MED16: variants seen among roughly 807,000 people sequenced by gnomAD.
The protein encoded by MED16 is mediator of RNA polymerase II transcription subunit 16.
In MED16, 81 loss-of-function variants were observed where a neutral mutation model predicts 84.4. That is an observed-to-expected ratio of 0.96 (90% CI 0.80 to 1.15). MED16 has a LOEUF of 1.15. Ranked by LOEUF, MED16 falls within the 50% of genes most tolerant of loss-of-function variation. The probability of loss-of-function intolerance (pLI) is 0.00; values close to 1 mark genes in which losing one functional copy is unlikely to be tolerated. For missense variants in MED16, 1,585 were observed against 1,245.9 expected, an observed-to-expected ratio of 1.27 and a Z score of -4.10; for synonymous variants, 897 against 552.2, an observed-to-expected ratio of 1.62 and a Z score of -8.76.
chr19:884,001 C>A (rs2036474561), intron 6 of MED16, among the ~76,000 whole-genome samples: 1 of 152,128 alleles, frequency 6.6e-6, no homozygotes, highest in African/African-American at 2.4e-5. Flanking sequence ...TCTGCGGCCA[C>A]AATGGGCAGT....
chr19:871,673 A>T, intron 12 of MED16: 1 of 1,553,646 alleles, frequency 6.4e-7, no homozygotes, highest in Non-Finnish European at 8.7e-7. Flanking sequence ...CTGGGGAAAT[A>T]GCAGATATCA....
rs759507647 is a variant in MED16 at position 885,015 on chromosome 19, G to A, written c.880-7C>T. 3.2e-6 allele frequency: 5 copies of A among 1,586,388 alleles called. No homozygotes were observed. The highest frequency in any genetic ancestry group is 1.3e-5 in the African/African-American group (1 of 74,716). ...TGGACGCGCACAAAAGCACCTGCGG[G>A]GGAGGTGGGGGTGAGGGCTGACCCG... is the stretch of plus-strand genomic sequence containing the variant. On this transcript the variant is annotated splice_polypyrimidine_tract_variant and splice_region_variant and intron_variant, in intron 5 of 15. Coordinates refer to ENST00000325464, the MANE Select transcript of MED16 (RefSeq NM_005481.3).
chr19:868,834 G>T, intron 14 of MED16, 29 bp downstream of exon 14: 1 of 1,541,120 alleles, frequency 6.5e-7, no homozygotes. Flanking sequence ...GCACATCTCT[G>T]GGAGTCAGCG....
chr19:871,288 T>C (rs976788555), intron 12 of MED16, 35 bp from the exon 13 acceptor site: 22 of 1,512,930 alleles, frequency 1.5e-5, no homozygotes, highest in Non-Finnish European at 2.0e-5. Flanking sequence ...TCAGCACCCC[T>C]GACTGGGGCA....
At position 875,388 on chromosome 19, in the gene MED16, G is replaced by A. The variant is rs770711865; in HGVS notation, c.1627C>T (p.Arg543Cys). Residue 543 changes from arginine (R) to cysteine (C), a missense_variant, in exon 10 of 16, where the codon CGC (arginine) becomes TGC (cysteine). Physicochemically the swap from Arg to Cys is radical, Grantham distance 180. Transcript: ENST00000325464. ...AGCTTGGTGTGGTAGTCGCACACGC[G>A]GGTCACCGTGCAGGGCGACAGCTTG... ...LCKLSPCTVT[R>C]VCDYHTKLFL... 11 of 1,608,878 alleles carry A rather than the reference G, an allele frequency of 6.8e-6. No homozygotes were observed. The highest frequency in any genetic ancestry group is 1.7e-4 in the Middle Eastern group (1 of 5,976).
Position 868,268 on chromosome 19 carries a change from G to C in MED16, c.2484-17C>G, listed in dbSNP as rs766519077. 1.7e-5 allele frequency: 27 copies of C among 1,590,758 alleles called. No homozygotes were observed. The highest frequency in any genetic ancestry group is 2.1e-5 in the Non-Finnish European group (25 of 1,170,640). ...TCAACAGCCCTGCAGGGCGGGCTGA[G>C]GTTAACCGCGCCGAGGAGAGTCCAG... On this transcript the variant is annotated splice_polypyrimidine_tract_variant and intron_variant, in intron 15 of 15. Transcript: ENST00000325464.
intron 12 of MED16, chr19:871,631 C>G: frequency 6.3e-7 from 1 of 1,595,256 alleles, no homozygotes. Flanking sequence ...ATCCCAAAAG[C>G]ACCCACACAG....
At chr19:872,865 G>T in intron 11 of MED16, 1 of 751,496 alleles carries the variant, frequency 1.3e-6, no homozygotes, top group Non-Finnish European at 1.7e-6. Flanking sequence ...TGGGAGGCGG[G>T]GCTTTGAGAA....
At chr19:891,833 G>A (rs1275574440) in intron 1 of MED16, among the ~76,000 whole-genome samples, 1 of 116,932 alleles carries the variant, frequency 8.6e-6, no homozygotes, top group Non-Finnish European at 1.8e-5. Flanking sequence ...GAACACCTGT[G>A]GCCGAGGCGG....
intron 1 of MED16, chr19:892,822 A>G (rs2036664920): frequency 7.0e-6 from 1 of 143,870 alleles, no homozygotes; most frequent in Non-Finnish European, 1.5e-5. Flanking sequence ...CCCCGCCCCG[A>G]ACCCAGCCCC....
At chr19:889,488 G>A (rs948057354) in intron 4 of MED16, 150 bp downstream of exon 4, 6 of 821,352 alleles carry the variant, frequency 7.3e-6, no homozygotes, top group African/African-American at 5.2e-5. Flanking sequence ...GAACACACAG[G>A]TGCTAATGAC....
In MED16 at chr19:880,180, C is replaced by T. The variant is rs769998505; in HGVS notation, c.1142-32G>A. 8.2e-6 allele frequency: 13 copies of T among 1,584,088 alleles called. No homozygotes were observed. The East Asian group carries it at 1.8e-4, about 22-fold the overall frequency. ...GGCACAGGCACTGCTTAGACATGGG[C>T]AGGGCCCAGGACACGCCCGCCGGGG... On this transcript the variant is annotated intron_variant, in intron 7 of 15. Transcript: ENST00000325464.
rs1364934648 is a variant in MED16 at position 889,778 on chromosome 19, C to A, written c.307G>T (p.Gly103Trp). The change falls in exon 4 of 16, where the codon GGG (glycine) becomes TGG (tryptophan). Residue 103 changes from glycine to tryptophan, a missense_variant. Physicochemically the swap from Gly to Trp is radical, Grantham distance 184. Coordinates refer to ENST00000325464, the MANE Select transcript of MED16 (RefSeq NM_005481.3). ...GCCATGCTCCAGCACTTGATCTGCC[C>A]GTCGGCATCTGCTGACAGGAGCCGG... ...GSRLLSADADGQIKCWSMADH... is the reference protein window; with the variant it reads ...GSRLLSADADWQIKCWSMADH... 1 of 1,612,622 alleles carries A rather than the reference C, an allele frequency of 6.2e-7. No individual in the cohort carries two copies. The highest frequency in any genetic ancestry group is 1.3e-5 in the African/African-American group (1 of 74,908).
At chr19:880,906 C>G (rs1003466687) in intron 7 of MED16, among the ~76,000 whole-genome samples, 1 of 145,290 alleles carries the variant, frequency 6.9e-6, no homozygotes, top group Non-Finnish European at 1.5e-5. Context: ...GCCTGGGCAA[C>G]AGAATGAGAC....
chr19:875,168 G>C (rs1035205186), intron 10 of MED16, 76 bp downstream of exon 10: 19 of 1,054,756 alleles, frequency 1.8e-5, no homozygotes, highest in African/African-American at 1.6e-4. Context: ...TATCTCAAAA[G>C]AGTAAAAAAA....
chr19:892,873 GA>G lies in MED16; in HGVS notation c.-19+212del. The G allele has an allele frequency of 2.5e-5, 2 of 81,208 alleles. 1 individual carries two copies. The highest frequency in any genetic ancestry group is 6.1e-4 in the South Asian group (2 of 3,298). 5.0% of individuals were successfully genotyped at this position (81,208 alleles called of 1,614,324 possible). A position where few individuals can be genotyped will look rare whatever the true frequency, so the allele number is the denominator to read the frequency against. ...CCCCCAGGTTTCCGCCGCAAACCCT[GA>G]GCCCCGAGCCCCGCGCCCCGCGCCC... On this transcript the variant is annotated intron_variant, in intron 1 of 15. Coordinates refer to ENST00000325464, the MANE Select transcript of MED16 (RefSeq NM_005481.3).
Position 873,511 on chromosome 19 carries a change from G to A in MED16, c.1843C>T (p.Gln615Ter). 6.2e-7 allele frequency: 1 copy of A among 1,612,148 alleles called. No individual in the cohort carries two copies. The highest frequency in any genetic ancestry group is 8.5e-7 in the Non-Finnish European group (1 of 1,179,692). The change falls in exon 11 of 16, where the codon CAG becomes TAG. Residue 615 changes from glutamine (Q) to a stop codon, truncating the protein, a stop_gained. Transcript: ENST00000325464. LOFTEE classifies it high-confidence loss of function. ...TCGCCCACCCACTGCAAGAGCTGCTGCAGCGCCTGCAGTGTGTTCATGTCC... is the reference window on the plus strand; with the variant it reads ...TCGCCCACCCACTGCAAGAGCTGCTACAGCGCCTGCAGTGTGTTCATGTCC... ...VLDMNTLQAL[Q>*]QLLQWVGDFV...
chr19:873,439 C>G lies in MED16; in HGVS notation c.1905+10G>C. ...TGGGGGGCGGGGCCTTAGGGGAGAG[C>G]ATGGCGCACCTGGTTGGGTAGGCTG... On this transcript the variant is annotated intron_variant, in intron 11 of 15. Transcript: ENST00000325464. 6.2e-7 allele frequency: 1 copy of G among 1,605,424 alleles called. No individual in the cohort carries two copies. Among genetic ancestry groups the G allele is most frequent in the Non-Finnish European group, 8.5e-7 (1 of 1,179,386 alleles).
At chr19:882,638 T>C (rs1009594157) in intron 6 of MED16, among the ~76,000 whole-genome samples, 1 of 152,162 alleles carries the variant, frequency 6.6e-6, no homozygotes, top group African/African-American at 2.4e-5. Context: ...GTGCGGCCAG[T>C]GGACAGGCCA....
Sources: allele counts gnomAD v4.1 joint callset (sites outside exome capture counted in the v4.1 genomes callset), GRCh38; gene constraint gnomAD v4.1.1; transcripts MANE v1.5; gene names NCBI Gene and HGNC (gene_info 2026-07-23, HGNC 2026-07-21).